ZSWIM6: variants seen among roughly 807,000 people sequenced by gnomAD.
ZSWIM6 encodes the protein zinc finger SWIM domain-containing protein 6.
In ZSWIM6, 9 loss-of-function variants were observed where a neutral mutation model predicts 113.2. The observed-to-expected ratio is 0.08, with a 90% CI of 0.05 to 0.14. ZSWIM6 has a LOEUF of 0.14. Ranked by LOEUF, ZSWIM6 falls within the 10% of genes least tolerant of loss-of-function variation. The pLI is 1.00. For synonymous variants in ZSWIM6, 611 were observed against 606.5 expected, an observed-to-expected ratio of 1.01 and a Z score of -0.11; for missense variants, 1,162 against 1,552.2, an observed-to-expected ratio of 0.75 and a Z score of 4.22.
At chr5:61,433,021 A>C (rs1264271739) in intron 1 of ZSWIM6, among the ~76,000 whole-genome samples, 1 of 152,074 alleles carries the variant, frequency 6.6e-6, no homozygotes, top group African/African-American at 2.4e-5. Flanking sequence ...AACATGAAAA[A>C]GGAAGGAAGG....
intron 1 of ZSWIM6, among the ~76,000 whole-genome samples, chr5:61,427,942 C>T (rs1349401116): frequency 6.6e-6 from 1 of 151,744 alleles, no homozygotes; most frequent in East Asian, 1.9e-4. Context: ...TGACAGAGTC[C>T]ATAAAAATGG....
At chr5:61,520,587 A>G (rs982296614) in intron 4 of ZSWIM6, among the ~76,000 whole-genome samples, 3 of 152,132 alleles carry the variant, frequency 2.0e-5, no homozygotes, top group African/African-American at 7.2e-5. Context: ...TCATTTAGGG[A>G]AGTATGTTTA....
chr5:61,336,977 C>T (rs755516892), intron 1 of ZSWIM6, among the ~76,000 whole-genome samples: 13 of 152,032 alleles, frequency 8.6e-5, no homozygotes, highest in Non-Finnish European at 1.6e-4. Flanking sequence ...CATCTTCATT[C>T]TTACATAAAG....
intron 1 of ZSWIM6, among the ~76,000 whole-genome samples, chr5:61,394,423 C>G (rs373025970): frequency 5.9e-5 from 9 of 152,370 alleles, no homozygotes; most frequent in African/African-American, 2.2e-4. Flanking sequence ...GAAGAATTGC[C>G]TGGCCTGCTA....
At chr5:61,500,223 T>C (rs1748430199) in intron 4 of ZSWIM6, among the ~76,000 whole-genome samples, 1 of 151,794 alleles carries the variant, frequency 6.6e-6, no homozygotes, top group South Asian at 2.1e-4. Flanking sequence ...GCCTCCCAGG[T>C]TCCAGTAATT....
intron 1 of ZSWIM6, among the ~76,000 whole-genome samples, chr5:61,349,012 A>T (rs935171897): frequency 2.0e-5 from 3 of 152,186 alleles, no homozygotes; most frequent in Non-Finnish European, 4.4e-5. Context: ...TTTAATGAGA[A>T]ATCAGAATAT....
chr5:61,457,198 A>C (rs957131079), intron 1 of ZSWIM6, among the ~76,000 whole-genome samples: 1 of 152,182 alleles, frequency 6.6e-6, no homozygotes. Flanking sequence ...TCTACTTTAG[A>C]GAAAAGAAGC....
chr5:61,395,025 T>C (rs907378799), intron 1 of ZSWIM6, among the ~76,000 whole-genome samples: 11 of 152,170 alleles, frequency 7.2e-5, no homozygotes, highest in African/African-American at 2.7e-4. Context: ...ACAGTCATGA[T>C]GAACAAATGA....
At chr5:61,333,009 G>GGGCCCCCCCC in intron 1 of ZSWIM6, 61 bp downstream of exon 1, 1 of 439,822 alleles carries the variant, frequency 2.3e-6, no homozygotes, top group Non-Finnish European at 3.2e-6. Flanking sequence ...TGGGGGGGGG[G>GGGCCCCCCCC]TGCCCGCCTT....
chr5:61,485,104 A>T (rs1263717245), intron 2 of ZSWIM6, among the ~76,000 whole-genome samples: 2 of 152,102 alleles, frequency 1.3e-5, no homozygotes, highest in African/African-American at 4.8e-5. Context: ...CCTTCCTCGC[A>T]GTACTTGATC....
At chr5:61,482,672 CT>C in intron 2 of ZSWIM6, among the ~76,000 whole-genome samples, 1 of 152,190 alleles carries the variant, frequency 6.6e-6, no homozygotes, top group African/African-American at 2.4e-5. Flanking sequence ...GTTATCTTTG[CT>C]TGCAGTCTTA....
chr5:61,526,287 A>T lies in ZSWIM6; in HGVS notation c.1728A>T (p.Leu576Phe). ...VPTACARVDA[L>F]RSHGYPREAL... is the part of the protein sequence containing the mutation. ...CAGCCTGTGCAAGAGTGGACGCATTACGTTCTCATGGGTACCCCAGAGAAG... is the reference window on the plus strand; with the variant it reads ...CAGCCTGTGCAAGAGTGGACGCATTTCGTTCTCATGGGTACCCCAGAGAAG... The change falls in exon 7 of 14, where the codon TTA becomes TTT. Residue 576 changes from leucine (L) to phenylalanine (F), a missense_variant. Physicochemically the swap from Leu to Phe is conservative, Grantham distance 22. Around this residue, in one of 4 missense-constraint regions of ZSWIM6, gnomAD observed 620 missense variants for 804.6 expected, o/e 0.77. Coordinates refer to ENST00000252744, the MANE Select transcript of ZSWIM6 (RefSeq NM_020928.2). 6.4e-7 allele frequency: 1 copy of T among 1,551,912 alleles called. No homozygotes were observed. The highest frequency in any genetic ancestry group is 8.7e-7 in the Non-Finnish European group (1 of 1,147,026).
intron 1 of ZSWIM6, among the ~76,000 whole-genome samples, chr5:61,369,154 A>C (rs1318269827): frequency 6.6e-6 from 1 of 152,236 alleles, no homozygotes; most frequent in East Asian, 1.9e-4. Context: ...TATAGATTAT[A>C]AGCTTCTTCC....
At chr5:61,408,191 A>G (rs558549224) in intron 1 of ZSWIM6, among the ~76,000 whole-genome samples, 133 of 152,350 alleles carry the variant, frequency 8.7e-4, no homozygotes, top group African/African-American at 3.1e-3. Flanking sequence ...TTTAAAAAGG[A>G]GAAAATAGAA....
chr5:61,425,174 G>C (rs1746440607), intron 1 of ZSWIM6, among the ~76,000 whole-genome samples: 1 of 152,056 alleles, frequency 6.6e-6, no homozygotes, highest in Non-Finnish European at 1.5e-5. Flanking sequence ...ATTGCTTTCT[G>C]TACCCCTAAG....
At chr5:61,356,162 AGAATCAT>A (rs1744903319) in intron 1 of ZSWIM6, among the ~76,000 whole-genome samples, 1 of 152,192 alleles carries the variant, frequency 6.6e-6, no homozygotes, top group Admixed American at 6.5e-5. Context: ...GTGCAGTGTC[AGAATCAT>A]AGCTCACTGC....
chr5:61,529,915 A>G, intron 7 of ZSWIM6, 137 bp from the exon 8 acceptor site: 1 of 743,766 alleles, frequency 1.3e-6, no homozygotes. Context: ...TTTCTTAATT[A>G]AAAGAGAATT....
At chr5:61,482,719 A>T in intron 2 of ZSWIM6, among the ~76,000 whole-genome samples, 1 of 152,302 alleles carries the variant, frequency 6.6e-6, no homozygotes, top group South Asian at 2.1e-4. Context: ...TCACATGAGC[A>T]GATTTCTAAT....
intron 1 of ZSWIM6, among the ~76,000 whole-genome samples, chr5:61,415,201 C>G (rs916316859): frequency 2.0e-5 from 3 of 151,986 alleles, no homozygotes; most frequent in Non-Finnish European, 4.4e-5. Context: ...AGTTTATGAT[C>G]GAAAATGTAT....
Sources: gnomAD v4.1 joint callset for allele counts (sites outside exome capture counted in the v4.1 genomes callset) on GRCh38, gnomAD v4.1.1 for gene constraint, gnomAD v4.1.1 regional missense constraint, MANE v1.5 for transcripts, NCBI Gene and HGNC (gene_info 2026-07-23, HGNC 2026-07-21) for gene names.